The following PAK1 variants were observed in gnomAD, a reference collection of about 807,000 sequenced individuals.
The protein encoded by PAK1 is serine/threonine-protein kinase PAK 1.
A neutral mutation model predicts 67.4 loss-of-function variants in PAK1; 29 were observed. That is an observed-to-expected ratio of 0.43 (90% CI 0.32 to 0.59). PAK1 has a LOEUF of 0.59. Ranked by LOEUF, PAK1 falls within the 20% of genes least tolerant of loss-of-function variation. The pLI is 0.07. For missense variants in PAK1, 337 were observed against 670.7 expected (o/e 0.50, Z 5.50); for synonymous variants, 223 against 237.4 (o/e 0.94, Z 0.56).
chr11:77,331,451 A>C lies in PAK1; in HGVS notation c.1551+1279T>G, dbSNP rs576480392. 6.0e-3 allele frequency among the ~76,000 whole-genome samples: 917 copies of C among 152,366 alleles called. 7 individuals are homozygous for C. Among genetic ancestry groups the C allele is most frequent in the African/African-American group, 0.021 (884 of 41,580 alleles). The stretch of plus-strand genomic sequence containing the variant: ...ACATATACACCATGGAATACTATGC[A>C]GCCATAAAAAATGATGAGTTCATGT... On this transcript the variant is annotated intron_variant, in intron 14 of 14. Coordinates refer to ENST00000356341, the MANE Select transcript of PAK1 (RefSeq NM_002576.5).
intron 14 of PAK1, among the ~76,000 whole-genome samples, chr11:77,331,281 C>T (rs1203589918): frequency 1.3e-5 from 2 of 152,228 alleles, no homozygotes; most frequent in Non-Finnish European, 2.9e-5. Context: ...CATCCCATTA[C>T]TGGGTATATA....
the PAK1 span, among the ~76,000 whole-genome samples, chr11:77,510,134 G>T: frequency 6.6e-6 from 1 of 152,114 alleles, no homozygotes; most frequent in Non-Finnish European, 1.5e-5. Flanking sequence ...AAGCATTATA[G>T]AACATGTAGG....
the PAK1 span, among the ~76,000 whole-genome samples, chr11:77,504,477 C>CT: frequency 6.6e-6 from 1 of 152,074 alleles, no homozygotes. Context: ...ATTCTAATTG[C>CT]TTTTTTCTGA....
At chr11:77,349,116 C>A (rs1183787032) in intron 9 of PAK1, 123 bp downstream of exon 9, 12 of 661,854 alleles carry the variant, frequency 1.8e-5, no homozygotes, top group Admixed American at 2.8e-5. Flanking sequence ...CAGAGTGAGA[C>A]CCCATCCCAA....
At chr11:77,398,394 T>C (rs1952132741) in intron 1 of PAK1, among the ~76,000 whole-genome samples, 1 of 152,188 alleles carries the variant, frequency 6.6e-6, no homozygotes, top group Admixed American at 6.5e-5. Context: ...TTATTTCACT[T>C]AACATAATGA....
intron 2 of PAK1, among the ~76,000 whole-genome samples, chr11:77,385,818 A>G (rs866330076): frequency 6.6e-6 from 1 of 152,162 alleles, no homozygotes; most frequent in Middle Eastern, 3.2e-3. Flanking sequence ...AGATCGCGCC[A>G]CTGCACTCTA....
At chr11:77,410,574 C>A in intron 1 of PAK1, among the ~76,000 whole-genome samples, 1 of 151,134 alleles carries the variant, frequency 6.6e-6, no homozygotes, top group Admixed American at 6.6e-5. Flanking sequence ...AGAAGAAAGC[C>A]TAATCAAGAG....
In PAK1 at chr11:77,374,343, A is replaced by G. The variant is rs370367616; in HGVS notation, c.462T>C (p.Asn154=). Residue 154 remains asparagine (N), a synonymous_variant, in exon 5 of 15, where the codon AAT becomes AAC. Transcript: ENST00000356341. The stretch of plus-strand genomic sequence containing the variant: ...AAAGACTTACCAAGGCATTAGAAGA[A>G]TTGTAATCCTCAGCTGACTTATCTG... ...SFTDKSAEDY[N]SSNALNVKAV... The G allele has an allele frequency of 1.4e-5, 22 of 1,593,662 alleles. No individual in the cohort carries two copies. The highest frequency in any genetic ancestry group is 1.8e-5 in the Non-Finnish European group (21 of 1,161,542).
At chr11:77,347,203 G>C (rs969135499) in intron 9 of PAK1, 13 of 402,626 alleles carry the variant, frequency 3.2e-5, no homozygotes, top group South Asian at 1.5e-4. Context: ...CTTTCCTCTG[G>C]CCAGCTTCTC....
chr11:77,453,700 A>G (rs1471780012), intron 1 of PAK1, among the ~76,000 whole-genome samples: 1 of 152,196 alleles, frequency 6.6e-6, no homozygotes, highest in East Asian at 1.9e-4. Context: ...TAACAGCCAA[A>G]TAATTCATAT....
At chr11:77,379,546 A>T (rs1003909758) in intron 3 of PAK1, 158 bp from the exon 4 acceptor site, 107 of 642,340 alleles carry the variant, frequency 1.7e-4, no homozygotes, top group Non-Finnish European at 2.6e-4. Context: ...CCTCTTTTAT[A>T]ATATCTTTCT....
At chr11:77,391,205 G>C (rs984785907) in intron 2 of PAK1, among the ~76,000 whole-genome samples, 1 of 152,146 alleles carries the variant, frequency 6.6e-6, no homozygotes, top group Non-Finnish European at 1.5e-5. Flanking sequence ...TCTCAGTTCT[G>C]ATTTTACCAT....
At chr11:77,327,063 G>C (rs1940125505) in intron 14 of PAK1, among the ~76,000 whole-genome samples, 1 of 152,164 alleles carries the variant, frequency 6.6e-6, no homozygotes, top group Non-Finnish European at 1.5e-5. Flanking sequence ...ATGAAATGAA[G>C]CGAGAAGAGA....
At chr11:77,509,676 G>A in the PAK1 span, among the ~76,000 whole-genome samples, 1 of 152,114 alleles carries the variant, frequency 6.6e-6, no homozygotes, top group Middle Eastern at 3.2e-3. Flanking sequence ...ATGGTTTGGC[G>A]CTGTCTTTGT....
At chr11:77,440,189 A>T (rs1412514838) in intron 1 of PAK1, among the ~76,000 whole-genome samples, 1 of 152,180 alleles carries the variant, frequency 6.6e-6, no homozygotes, top group Non-Finnish European at 1.5e-5. Context: ...TCTGCTATAA[A>T]ATGGTATTTT....
intron 9 of PAK1, 47 bp downstream of exon 9, chr11:77,349,191 TA>T (rs1334703467): frequency 7.5e-7 from 1 of 1,326,456 alleles, no homozygotes; most frequent in Non-Finnish European, 1.1e-6. Context: ...TAATCCCAAA[TA>T]AAAAGAAACA....
chr11:77,446,635 G>A (rs1259338067), intron 1 of PAK1, among the ~76,000 whole-genome samples: 3 of 151,966 alleles, frequency 2.0e-5, no homozygotes, highest in South Asian at 4.1e-4. Flanking sequence ...TACTTTCATG[G>A]TAAAGTTTTT....
rs34083265 is a variant in PAK1 at position 77,381,138 on chromosome 11, A to AGTGT, written c.191-1148_191-1145dup. On this transcript the variant is annotated intron_variant, in intron 2 of 14. Coordinates refer to ENST00000356341, the MANE Select transcript of PAK1 (RefSeq NM_002576.5). ...CAGTTTCACCTCTACCTCACCACAG[A>AGTGT]GTGTGTGTGTGTGTGTGTGTGTGTG... Among the ~76,000 whole-genome samples the AGTGT allele has an allele frequency of 9.9e-3, 1,426 of 144,434 alleles. 16 individuals are homozygous for AGTGT. Among genetic ancestry groups the AGTGT allele is most frequent in the South Asian group, 0.02 (88 of 4,432 alleles). The allele number at this position is 144,434 out of a possible 152,430, so 94.8% of individuals were successfully genotyped here.
At chr11:77,496,333 A>T in the PAK1 span, among the ~76,000 whole-genome samples, 1 of 152,086 alleles carries the variant, frequency 6.6e-6, no homozygotes, top group Non-Finnish European at 1.5e-5. Flanking sequence ...TTTAACTAGA[A>T]ATAAAAATAG....
Sources: gnomAD v4.1 joint callset for allele counts (sites outside exome capture counted in the v4.1 genomes callset) on GRCh38, gnomAD v4.1.1 for gene constraint, MANE v1.5 for transcripts, NCBI Gene and HGNC (gene_info 2026-07-23, HGNC 2026-07-21) for gene names.